Variants in ZNF618 observed in about 807,000 individuals in gnomAD.
The protein encoded by ZNF618 is neural precursor cell expressed, developmentally down-regulated 10.
A neutral mutation model predicts 103.0 loss-of-function variants in ZNF618; 34 were observed. That is an observed-to-expected ratio of 0.33 (90% CI 0.25 to 0.44). The LOEUF (loss-of-function observed/expected upper bound fraction) is 0.44. Ranked by LOEUF, ZNF618 falls within the 20% of genes least tolerant of loss-of-function variation. ZNF618 has a pLI of 1.00. For missense variants in ZNF618, 1,059 were observed against 1,295.4 expected (o/e 0.82, Z 2.80); for synonymous variants, 551 against 542.2 (o/e 1.02, Z -0.23).
chr9:114,055,670 G>A lies in ZNF618; in HGVS notation c.*5503G>A, dbSNP rs956054674. The A allele has an allele frequency of 7.0e-6, 1 of 143,710 alleles. No individual in the cohort carries two copies. The highest frequency in any genetic ancestry group is 2.6e-5 in the African/African-American group (1 of 38,368). 8.9% of individuals were successfully genotyped at this position (143,710 alleles called of 1,614,324 possible). On this transcript the variant is annotated 3_prime_UTR_variant, in exon 15 of 15. Transcript: ENST00000374126. ...GGCAATACCATAGACACATCTGACTGTGTCTCTCTCTTTGAGTGCAAGAAA... is the reference window on the plus strand; with the variant it reads ...GGCAATACCATAGACACATCTGACTATGTCTCTCTCTTTGAGTGCAAGAAA...
At chr9:113,934,170 C>T (rs770716790) in intron 1 of ZNF618, among the ~76,000 whole-genome samples, 3 of 152,104 alleles carry the variant, frequency 2.0e-5, no homozygotes, top group African/African-American at 4.8e-5. Context: ...GCCCAACTCA[C>T]GGGCACACGG....
chr9:114,048,280 T>C (rs1294460331), intron 14 of ZNF618, among the ~76,000 whole-genome samples: 2 of 152,222 alleles, frequency 1.3e-5, no homozygotes, highest in East Asian at 1.9e-4. Flanking sequence ...TGCTGGTTGC[T>C]CTTTCCTGAC....
chr9:114,050,225 C>T lies in ZNF618; in HGVS notation c.*58C>T. 1 of 1,486,916 alleles carries T rather than the reference C, an allele frequency of 6.7e-7. No individual in the cohort carries two copies. Among genetic ancestry groups the T allele is most frequent in the Non-Finnish European group, 8.9e-7 (1 of 1,121,082 alleles). 92.1% of individuals were successfully genotyped at this position (1,486,916 alleles called of 1,614,324 possible). A position where few individuals can be genotyped will look rare whatever the true frequency, so the allele number is the denominator to read the frequency against. ...AGAAGATAACATTAGAAAAAAACCACACAACACTGTCACAAAGAAAAGGAA... is the reference window on the plus strand; with the variant it reads ...AGAAGATAACATTAGAAAAAAACCATACAACACTGTCACAAAGAAAAGGAA... On this transcript the variant is annotated 3_prime_UTR_variant, in exon 15 of 15. Coordinates refer to ENST00000374126, the MANE Select transcript of ZNF618 (RefSeq NM_001318042.2).
intron 2 of ZNF618, among the ~76,000 whole-genome samples, chr9:113,986,408 A>T (rs1295581332): frequency 6.6e-6 from 1 of 152,214 alleles, no homozygotes; most frequent in African/African-American, 2.4e-5. Flanking sequence ...ATGCTGTGGG[A>T]TGCCATGCCT....
chr9:113,970,057 C>A (rs1837802792), intron 2 of ZNF618, among the ~76,000 whole-genome samples: 1 of 152,066 alleles, frequency 6.6e-6, no homozygotes, highest in Non-Finnish European at 1.5e-5. Flanking sequence ...AAAAAAGGTT[C>A]TTTCTGTGGC....
chr9:113,932,040 C>T (rs1833634262), intron 1 of ZNF618, among the ~76,000 whole-genome samples: 1 of 152,092 alleles, frequency 6.6e-6, no homozygotes, highest in Admixed American at 6.6e-5. Context: ...GGGAATATAG[C>T]AGTGAATAAG....
intron 1 of ZNF618, among the ~76,000 whole-genome samples, chr9:113,899,475 GCAA>G (rs1830324667): frequency 1.3e-5 from 2 of 152,210 alleles, no homozygotes; most frequent in African/African-American, 4.8e-5. Context: ...TGGCAGATCA[GCAA>G]CACCGTTAGA....
rs145689491 is a variant in ZNF618, at chr9:114,002,874, A to G, written c.550+212A>G. The stretch of plus-strand genomic sequence containing the variant: ...CCAAAGCGTGCTCCATGGCAGGCTC[A>G]TTCTGGGAAGGTTAGTGGGTGTTCT... On this transcript the variant is annotated intron_variant, in intron 6 of 14. Transcript: ENST00000374126. Among the ~76,000 whole-genome samples, 330 of 152,342 alleles carry G rather than the reference A, an allele frequency of 2.2e-3. 2 individuals carry two copies. The highest frequency in any genetic ancestry group is 7.7e-3 in the African/African-American group (321 of 41,590).
rs377717404 is a variant in ZNF618 at position 114,050,142 on chromosome 9, T to C, written c.2840T>C (p.Met947Thr). The change falls in exon 15 of 15, where the codon ATG becomes ACG. Residue 947 changes from methionine to threonine, a missense_variant. Coordinates refer to ENST00000374126, the MANE Select transcript of ZNF618 (RefSeq NM_001318042.2). ...AGTCCAGAAGATATGAATAAACTCA[T>C]GTTTCTGAAATCCAACATGCTTTAA... ...LLSPEDMNKLMFLKSNML is the reference protein window; with the variant it reads ...LLSPEDMNKLTFLKSNML The C allele has an allele frequency of 1.3e-6, 2 of 1,561,718 alleles. No homozygotes were observed. Among genetic ancestry groups the C allele is most frequent in the African/African-American group, 1.4e-5 (1 of 73,084 alleles).
chr9:114,000,338 G>A (rs543566544), intron 4 of ZNF618, among the ~76,000 whole-genome samples: 1 of 152,126 alleles, frequency 6.6e-6, no homozygotes. Flanking sequence ...GGTTGTGTCC[G>A]AGATCAAAAA....
At chr9:113,970,259 T>G (rs1029349069) in intron 2 of ZNF618, among the ~76,000 whole-genome samples, 3 of 152,142 alleles carry the variant, frequency 2.0e-5, no homozygotes, top group Non-Finnish European at 4.4e-5. Flanking sequence ...ATTGAGCAAG[T>G]GTTCCTTGGA....
In ZNF618 at chr9:114,049,828, G is replaced by C. The variant is rs771221128; in HGVS notation, c.2526G>C (p.Glu842Asp). The change falls in exon 15 of 15, where the codon GAG (glutamate) becomes GAC (aspartate). Residue 842 changes from glutamate (E) to aspartate (D), a missense_variant. By Grantham distance (45) the Glu-to-Asp change is conservative (BLOSUM62 2). Transcript: ENST00000374126. Reference protein sequence around the residue: ...LINEVKESWAEEADFEPAAKK... With the variant: ...LINEVKESWADEADFEPAAKK... ...ACGAGGTGAAGGAGTCCTGGGCCGA[G>C]GAGGCCGACTTCGAGCCCGCTGCCA... The C allele has an allele frequency of 1.7e-5, 27 of 1,613,862 alleles. No homozygotes were observed. The highest frequency in any genetic ancestry group is 2.3e-5 in the Non-Finnish European group (27 of 1,179,918).
chr9:113,952,538 C>CT, intron 1 of ZNF618, among the ~76,000 whole-genome samples: 1 of 152,298 alleles, frequency 6.6e-6, no homozygotes, highest in South Asian at 2.1e-4. Context: ...ATTGCATTCC[C>CT]TTTTGGGGGA....
chr9:114,049,902 A>G lies in ZNF618; in HGVS notation c.2600A>G (p.Asp867Gly), dbSNP rs1845996934. 6.2e-7 allele frequency: 1 copy of G among 1,613,796 alleles called. No individual in the cohort carries two copies. The highest frequency in any genetic ancestry group is 1.7e-5 in the Admixed American group (1 of 60,010). Reference sequence around the variant, plus strand: ...GAGAACCCCGCAGCTCAGGAAGATGATCGGCTAGGCAAAAATGAAGTGTAC... The same window carrying G: ...GAGAACCCCGCAGCTCAGGAAGATGGTCGGCTAGGCAAAAATGAAGTGTAC... ...AVENPAAQED[D>G]RLGKNEVYDY... The change falls in exon 15 of 15, where the codon GAT becomes GGT. Residue 867 changes from aspartate to glycine, a missense_variant. By Grantham distance (94) the Asp-to-Gly change is moderately conservative (BLOSUM62 -1). Transcript: ENST00000374126.
chr9:114,007,333 G>C lies in ZNF618; in HGVS notation c.551-17G>C. The C allele has an allele frequency of 6.2e-7, 1 of 1,612,246 alleles. No homozygotes were observed. Among genetic ancestry groups the C allele is most frequent in the South Asian group, 1.1e-5 (1 of 90,706 alleles). On this transcript the variant is annotated splice_polypyrimidine_tract_variant and intron_variant, in intron 6 of 14. Transcript: ENST00000374126. ...CTGAAGCCCTGGTAACCAGGTGTGT[G>C]TTTTCATCCCATGCAGACAATTTCA...
intron 9 of ZNF618, among the ~76,000 whole-genome samples, chr9:114,012,311 C>T (rs1176498884): frequency 6.6e-6 from 1 of 152,192 alleles, no homozygotes; most frequent in East Asian, 1.9e-4. Context: ...TGAGGGCTCT[C>T]CTCCTGGCTT....
At chr9:113,920,542 C>T (rs1005866172) in intron 1 of ZNF618, among the ~76,000 whole-genome samples, 2 of 151,978 alleles carry the variant, frequency 1.3e-5, no homozygotes, top group Admixed American at 6.5e-5. Flanking sequence ...GCTGGGATTA[C>T]AGGCGCCCGC....
At chr9:113,918,104 C>T (rs1832292268) in intron 1 of ZNF618, among the ~76,000 whole-genome samples, 1 of 152,144 alleles carries the variant, frequency 6.6e-6, no homozygotes, top group African/African-American at 2.4e-5. Context: ...CCCTTGAGTC[C>T]TTTAAAGAGT....
chr9:114,017,958 C>T (rs559896722), intron 10 of ZNF618, among the ~76,000 whole-genome samples: 2 of 152,286 alleles, frequency 1.3e-5, no homozygotes, highest in African/African-American at 4.8e-5. Context: ...GTCCTGAGGT[C>T]GAGCACTGGG....
Sources: gnomAD v4.1 joint callset for allele counts (sites outside exome capture counted in the v4.1 genomes callset) on GRCh38, gnomAD v4.1.1 for gene constraint, MANE v1.5 for transcripts, NCBI Gene and HGNC (gene_info 2026-07-23, HGNC 2026-07-21) for gene names.